Variants in USP45 observed in about 807,000 individuals in gnomAD.
USP45 encodes ubiquitin carboxyl-terminal hydrolase 45.
Under a neutral mutation model 95.8 loss-of-function variants are expected in USP45, and 89 were observed. The ratio of observed to expected loss-of-function variants is 0.93; its 90% confidence interval spans 0.78 to 1.11. The LOEUF (loss-of-function observed/expected upper bound fraction) is 1.11, where lower values mean the gene tolerates loss of function less well. Ranked by LOEUF, USP45 falls within the 50% of genes least tolerant of loss-of-function variation. The pLI is 0.00. For synonymous variants in USP45, 281 were observed against 316.2 expected, an observed-to-expected ratio of 0.89 and a Z score of 1.18; for missense variants, 898 against 942.5, an observed-to-expected ratio of 0.95 and a Z score of 0.62.
At chr6:99,455,356 C>T (rs1784812599) in intron 13 of USP45, among the ~76,000 whole-genome samples, 1 of 152,128 alleles carries the variant, frequency 6.6e-6, no homozygotes, top group Non-Finnish European at 1.5e-5. Context: ...GAGGCTGAGG[C>T]ATGAGAATCA....
rs1780198538 is a variant in USP45, at chr6:99,434,747, A to G, written c.*969T>C. The G allele has an allele frequency of 6.6e-6, 1 of 152,186 alleles. No individual in the cohort carries two copies. Among genetic ancestry groups the G allele is most frequent in the Non-Finnish European group, 1.5e-5 (1 of 67,998 alleles). 9.4% of individuals were successfully genotyped at this position (152,186 alleles called of 1,614,324 possible). On this transcript the variant is annotated 3_prime_UTR_variant, in exon 18 of 18. Transcript: ENST00000500704. Reference sequence around the variant, plus strand: ...AAGTATATATTTTTCTGTTAAGAATATAATTCTCTATCATTTACAAATATA... The same window carrying G: ...AAGTATATATTTTTCTGTTAAGAATGTAATTCTCTATCATTTACAAATATA...
intron 14 of USP45, 49 bp downstream of exon 14, chr6:99,445,748 C>T: frequency 7.4e-7 from 1 of 1,346,194 alleles, no homozygotes; most frequent in South Asian, 1.5e-5. Context: ...TTGTAACTCA[C>T]TAGACACTAT....
At chr6:99,504,174 T>C (rs1798004804) in intron 4 of USP45, among the ~76,000 whole-genome samples, 1 of 152,228 alleles carries the variant, frequency 6.6e-6, no homozygotes, top group Non-Finnish European at 1.5e-5. Flanking sequence ...AGAGTCTCGC[T>C]CTGTTTCCCA....
At chr6:99,506,549 TC>T (rs1327789612) in intron 4 of USP45, among the ~76,000 whole-genome samples, 3 of 152,184 alleles carry the variant, frequency 2.0e-5, no homozygotes, top group African/African-American at 7.2e-5. Context: ...CCTCAAGTGA[TC>T]CGCCCACCTC....
chr6:99,499,249 A>C (rs142205380), intron 5 of USP45, among the ~76,000 whole-genome samples: 82 of 152,364 alleles, frequency 5.4e-4, no homozygotes, highest in African/African-American at 1.9e-3. Flanking sequence ...AAATATAAAA[A>C]TAACCTTTTA....
chr6:99,452,238 C>G (rs547625707), intron 13 of USP45, among the ~76,000 whole-genome samples: 1 of 152,154 alleles, frequency 6.6e-6, no homozygotes, highest in African/African-American at 2.4e-5. Context: ...TCAGAGTGAA[C>G]AGGCAACCTA....
intron 9 of USP45, among the ~76,000 whole-genome samples, chr6:99,469,004 T>C (rs1034295952): frequency 6.6e-6 from 1 of 152,174 alleles, no homozygotes; most frequent in East Asian, 1.9e-4. Flanking sequence ...ATAGACCATA[T>C]GAAATTTATT....
At position 99,508,637 on chromosome 6, in the gene USP45, A is replaced by G. The variant is rs768266494; in HGVS notation, c.246T>C (p.Ile82=). 1.9e-6 allele frequency: 3 copies of G among 1,612,832 alleles called. No homozygotes were observed. The highest frequency in any genetic ancestry group is 2.7e-5 in the African/African-American group (2 of 74,908). ...GGAAGCCACACTTGAGGCACAACCA[A>G]ATATCAGAAGTAAGTACTAGCTGCC... ...YDGQLVLTSD[I]WLCLKCGFQG... The change falls in exon 3 of 18, where the codon ATT becomes ATC. Residue 82 remains isoleucine (I), a synonymous_variant. Coordinates refer to ENST00000500704, the MANE Select transcript of USP45 (RefSeq NM_001346022.3).
intron 1 of USP45, among the ~76,000 whole-genome samples, chr6:99,511,983 A>C (rs995010133): frequency 2.6e-5 from 4 of 151,440 alleles, no homozygotes; most frequent in Non-Finnish European, 5.9e-5. Flanking sequence ...ATTCTCCTAT[A>C]TAACAATGTA....
At chr6:99,463,851 T>G (rs770561247) in intron 13 of USP45, among the ~76,000 whole-genome samples, 1 of 147,090 alleles carries the variant, frequency 6.8e-6, no homozygotes, top group Non-Finnish European at 1.5e-5. Context: ...TCCATAGACC[T>G]CTTTTAAATC....
chr6:99,517,536 G>A (rs1801187686), upstream of USP45, among the ~76,000 whole-genome samples: 1 of 151,476 alleles, frequency 6.6e-6, no homozygotes, highest in South Asian at 2.1e-4. Flanking sequence ...CTGGGTTCAA[G>A]CAATTCTCCT....
At chr6:99,446,665 A>G (rs1264940600) in intron 13 of USP45, among the ~76,000 whole-genome samples, 1 of 152,232 alleles carries the variant, frequency 6.6e-6, no homozygotes, top group Non-Finnish European at 1.5e-5. Flanking sequence ...GAAACTAACA[A>G]CAGTGTAACA....
chr6:99,507,558 TA>T, intron 3 of USP45, 27 bp from the exon 4 acceptor site: 1 of 1,421,954 alleles, frequency 7.0e-7, no homozygotes, highest in Non-Finnish European at 9.9e-7. Context: ...TTTTATTTTG[TA>T]TGACTTACAA....
At chr6:99,442,795 C>T (rs966336684) in intron 15 of USP45, among the ~76,000 whole-genome samples, 4 of 151,764 alleles carry the variant, frequency 2.6e-5, no homozygotes, top group East Asian at 1.9e-4. Flanking sequence ...TGCAGGGAGC[C>T]GAGATTGTGC....
At chr6:99,471,988 A>G (rs1382169939) in intron 9 of USP45, among the ~76,000 whole-genome samples, 1 of 152,228 alleles carries the variant, frequency 6.6e-6, no homozygotes. Flanking sequence ...TGCAAGAAAG[A>G]TAAGAGCTTT....
intron 16 of USP45, among the ~76,000 whole-genome samples, chr6:99,439,457 AAG>A (rs969671674): frequency 6.6e-6 from 1 of 152,210 alleles, no homozygotes; most frequent in Non-Finnish European, 1.5e-5. Context: ...AACAGTTCAC[AAG>A]GAACAATCGA....
chr6:99,488,071 T>A, intron 7 of USP45, 129 bp downstream of exon 7: 1 of 636,598 alleles, frequency 1.6e-6, no homozygotes, highest in Admixed American at 3.3e-5. Flanking sequence ...TTTCACAGAA[T>A]GCTTTTAAAT....
rs1478423058 is a variant in USP45 at position 99,435,553 on chromosome 6, A to G, written c.*163T>C. On this transcript the variant is annotated 3_prime_UTR_variant, in exon 18 of 18. Transcript: ENST00000500704. Reference sequence around the variant, plus strand: ...CTATGAATTTTAAAGCATTGAGTAAATTTACTTTAAAAGGGTTCACCAAAA... The same window carrying G: ...CTATGAATTTTAAAGCATTGAGTAAGTTTACTTTAAAAGGGTTCACCAAAA... 5.2e-5 allele frequency: 25 copies of G among 484,472 alleles called. No individual in the cohort carries two copies. Among genetic ancestry groups the G allele is most frequent in the Middle Eastern group, 5.6e-4 (1 of 1,800 alleles). 30.0% of individuals were successfully genotyped at this position (484,472 alleles called of 1,614,324 possible). A position where few individuals can be genotyped will look rare whatever the true frequency, so the allele number is the denominator to read the frequency against.
chr6:99,455,860 C>T lies in USP45; in HGVS notation c.1308+8744G>A, dbSNP rs184876473. 2.0e-4 allele frequency among the ~76,000 whole-genome samples: 27 copies of T among 137,690 alleles called. No homozygotes were observed. The East Asian group carries it at 4.4e-3, about 22-fold the overall frequency. The allele number at this position is 137,690 out of a possible 152,430, so 90.3% of individuals were successfully genotyped here. On this transcript the variant is annotated intron_variant, in intron 13 of 17. Transcript: ENST00000500704. ...AAAAAAAAAAAAAAGTTGGGGCAGGCGCAGTGGCTCACACCTGTAATCCCA... is the reference window on the plus strand; with the variant it reads ...AAAAAAAAAAAAAAGTTGGGGCAGGTGCAGTGGCTCACACCTGTAATCCCA...
Sources: allele counts gnomAD v4.1 joint callset (sites outside exome capture counted in the v4.1 genomes callset), GRCh38; gene constraint gnomAD v4.1.1; transcripts MANE v1.5; gene names NCBI Gene and HGNC (gene_info 2026-07-23, HGNC 2026-07-21).